The following KCNIP4 variants were observed in gnomAD, a reference collection of about 807,000 sequenced individuals.
KCNIP4 encodes the protein potassium voltage-gated channel interacting protein 4.
KCNIP4 carries 12 observed loss-of-function variants against 34.0 expected under a neutral mutation model. That is an observed-to-expected ratio of 0.35 (90% CI 0.23 to 0.57). KCNIP4 has a LOEUF of 0.57. Ranked by LOEUF, KCNIP4 falls within the 20% of genes least tolerant of loss-of-function variation. The probability of loss-of-function intolerance (pLI) is 0.83; values close to 1 mark genes in which losing one functional copy is unlikely to be tolerated. For synonymous variants in KCNIP4, 124 were observed against 102.2 expected (o/e 1.21, Z -1.29); for missense variants, 238 against 311.7 (o/e 0.76, Z 1.78).
chr4:20,991,571 A>T (rs545237424), intron 1 of KCNIP4, among the ~76,000 whole-genome samples: 11 of 152,296 alleles, frequency 7.2e-5, no homozygotes, highest in African/African-American at 2.6e-4. Flanking sequence ...GGGAGACGTG[A>T]TCTAAAATGA....
intron 1 of KCNIP4, among the ~76,000 whole-genome samples, chr4:20,984,673 C>T (rs2149696824): frequency 6.6e-6 from 1 of 152,300 alleles, no homozygotes; most frequent in East Asian, 1.9e-4. Flanking sequence ...GGCGCATTAT[C>T]AGGGAGATTG....
At chr4:21,192,810 C>T (rs767154556) in intron 1 of KCNIP4, among the ~76,000 whole-genome samples, 6 of 151,922 alleles carry the variant, frequency 3.9e-5, no homozygotes, top group African/African-American at 1.4e-4. Flanking sequence ...AATCCCAGCA[C>T]TTTGGGAGGC....
chr4:21,238,495 C>G (rs1450649599), intron 1 of KCNIP4, among the ~76,000 whole-genome samples: 1 of 152,174 alleles, frequency 6.6e-6, no homozygotes, highest in Non-Finnish European at 1.5e-5. Flanking sequence ...CGTCTCAGCT[C>G]AAAATCTCCT....
chr4:21,492,207 T>C (rs1008047331), intron 1 of KCNIP4, among the ~76,000 whole-genome samples: 28 of 152,096 alleles, frequency 1.8e-4, no homozygotes, highest in African/African-American at 6.8e-4. Context: ...AGAATTTCCT[T>C]GAGCAGATAT....
chr4:21,847,332 T>C (rs745609533), intron 1 of KCNIP4: 9 of 152,078 alleles, frequency 5.9e-5, no homozygotes, highest in Non-Finnish European at 1.2e-4. Flanking sequence ...AGTAATTAAA[T>C]GCCCCCAAGC....
intron 1 of KCNIP4, among the ~76,000 whole-genome samples, chr4:21,776,667 C>T (rs1416404217): frequency 6.6e-6 from 1 of 152,134 alleles, no homozygotes; most frequent in Non-Finnish European, 1.5e-5. Context: ...TCCCATAATC[C>T]CTAGGTGTTG....
At chr4:21,380,918 G>T (rs939334253) in intron 1 of KCNIP4, among the ~76,000 whole-genome samples, 1 of 152,042 alleles carries the variant, frequency 6.6e-6, no homozygotes, top group Non-Finnish European at 1.5e-5. Context: ...CACCTGATAA[G>T]ATTGTTGCAA....
intron 1 of KCNIP4, among the ~76,000 whole-genome samples, chr4:21,194,895 G>C (rs1038393422): frequency 6.6e-6 from 1 of 152,174 alleles, no homozygotes; most frequent in Non-Finnish European, 1.5e-5. Context: ...TGTTAGAGCA[G>C]CCATTTTTTT....
In KCNIP4 at chr4:21,291,865, AAAAAAGAAAGAAAG is replaced by A. The variant is rs1231350804; in HGVS notation, c.62-409170_62-409157del. On this transcript the variant is annotated intron_variant, in intron 1 of 8. Coordinates refer to ENST00000382152, the MANE Select transcript of KCNIP4 (RefSeq NM_025221.6). ...TTAGACTCCGCCTCAAAAAAAAAAA[AAAAAAGAAAGAAAG>A]AAAGAAAGAAAGAAAGAAAGAAAGA... Among the ~76,000 whole-genome samples, 95 of 64,624 alleles carry A rather than the reference AAAAAAGAAAGAAAG, an allele frequency of 1.5e-3. 9 individuals are homozygous for A. Among genetic ancestry groups the A allele is most frequent in the African/African-American group, 6.2e-3 (91 of 14,570 alleles). The allele number at this position is 64,624 out of a possible 152,430, so 42.4% of individuals were successfully genotyped here.
At chr4:20,794,214 T>C (rs1237490979) in intron 3 of KCNIP4, among the ~76,000 whole-genome samples, 2 of 152,200 alleles carry the variant, frequency 1.3e-5, no homozygotes, top group African/African-American at 2.4e-5. Flanking sequence ...GATGGACTGA[T>C]ACACCTCACA....
intron 1 of KCNIP4, among the ~76,000 whole-genome samples, chr4:21,014,111 A>T (rs1289964196): frequency 6.6e-6 from 1 of 152,170 alleles, no homozygotes; most frequent in Non-Finnish European, 1.5e-5. Context: ...CTTTACCTCC[A>T]GTTCAGACTT....
intron 1 of KCNIP4, chr4:21,849,304 T>C (rs1180357106): frequency 6.6e-6 from 1 of 152,136 alleles, no homozygotes; most frequent in Non-Finnish European, 1.5e-5. Flanking sequence ...AAGGGGGCAT[T>C]ATAAAGAGAG....
Position 21,177,877 on chromosome 4 carries a change from T to TATATATATATATA in KCNIP4, c.62-295169_62-295168insTATATATATATAT, listed in dbSNP as rs1338439962. On this transcript the variant is annotated intron_variant, in intron 1 of 8. Coordinates refer to ENST00000382152, the MANE Select transcript of KCNIP4 (RefSeq NM_025221.6). Reference sequence around the variant, plus strand: ...AAAAAATTATATATATATATATATATAAAATATAACATTTAAAAAGAAAAA... The same window carrying TATATATATATATA: ...AAAAAATTATATATATATATATATATATATATATATATAAAAATATAACATTTAAAAAGAAAAA... Among the ~76,000 whole-genome samples, 22 of 146,378 alleles carry TATATATATATATA rather than the reference T, an allele frequency of 1.5e-4. 1 individual carries two copies. The highest frequency in any genetic ancestry group is 5.4e-4 in the African/African-American group (21 of 38,920).
intron 1 of KCNIP4, among the ~76,000 whole-genome samples, chr4:21,449,259 A>G (rs1054614337): frequency 3.3e-5 from 5 of 152,298 alleles, no homozygotes; most frequent in Admixed American, 6.5e-5. Flanking sequence ...TTCTCTTTTA[A>G]AATAGGAATG....
chr4:21,100,032 G>A (rs1300324704), intron 1 of KCNIP4, among the ~76,000 whole-genome samples: 1 of 152,114 alleles, frequency 6.6e-6, no homozygotes, highest in Non-Finnish European at 1.5e-5. Flanking sequence ...TTCTTGAGAT[G>A]GAATCTACCT....
At chr4:20,904,206 G>A (rs1197013934) in intron 1 of KCNIP4, among the ~76,000 whole-genome samples, 2 of 152,088 alleles carry the variant, frequency 1.3e-5, no homozygotes, top group East Asian at 3.9e-4. Flanking sequence ...TTATGGTCAA[G>A]TTGGTGTCAT....
At chr4:21,897,989 A>G (rs1313838585) in intron 1 of KCNIP4, among the ~76,000 whole-genome samples, 1 of 152,150 alleles carries the variant, frequency 6.6e-6, no homozygotes, top group African/African-American at 2.4e-5. Context: ...GGGACTTTGC[A>G]TTGAAATGCA....
intron 1 of KCNIP4, among the ~76,000 whole-genome samples, chr4:21,366,884 G>A (rs1027671257): frequency 6.6e-5 from 10 of 152,104 alleles, no homozygotes; most frequent in African/African-American, 9.7e-5. Flanking sequence ...TGGTCTAAAT[G>A]TATTTCCTAA....
intron 1 of KCNIP4, among the ~76,000 whole-genome samples, chr4:21,376,805 A>G (rs544419292): frequency 6.6e-6 from 1 of 152,310 alleles, no homozygotes; most frequent in South Asian, 2.1e-4. Context: ...TGCGGATTGC[A>G]CCCAATACAA....
Sources: gnomAD v4.1 joint callset for allele counts (sites outside exome capture counted in the v4.1 genomes callset) on GRCh38, gnomAD v4.1.1 for gene constraint, MANE v1.5 for transcripts, NCBI Gene and HGNC (gene_info 2026-07-23, HGNC 2026-07-21) for gene names.